The following FBN1 variants were observed in gnomAD, a reference collection of about 807,000 sequenced individuals.
FBN1 encodes fibrillin-1.
In FBN1, 29 loss-of-function variants were observed where a neutral mutation model predicts 365.1. The ratio of observed to expected loss-of-function variants is 0.08; its 90% CI spans 0.06 to 0.11. The LOEUF (loss-of-function observed/expected upper bound fraction) is 0.11. Ranked by LOEUF, FBN1 falls within the 10% of genes least tolerant of loss-of-function variation. The probability of loss-of-function intolerance (pLI) is 1.00; values close to 1 mark genes in which losing one functional copy is unlikely to be tolerated. For missense variants in FBN1, 2,476 were observed against 3,703.2 expected, an observed-to-expected ratio of 0.67 and a Z score of 8.60; for synonymous variants, 1,210 against 1,270.5, an observed-to-expected ratio of 0.95 and a Z score of 1.01.
rs772617187 is a variant in FBN1 at position 48,446,797 on chromosome 15, G to A, written c.5697C>T (p.Ala1899=). 6.2e-7 allele frequency: 1 copy of A among 1,611,424 alleles called. No individual in the cohort carries two copies. Among genetic ancestry groups the A allele is most frequent in the Admixed American group, 1.7e-5 (1 of 59,952 alleles). Reference sequence around the variant, plus strand: ...TGTTCCGGCAAGTTCCATTCCCACAGGCATCTCTTTCACATTCATTTATGT... The same window carrying A: ...TGTTCCGGCAAGTTCCATTCCCACAAGCATCTCTTTCACATTCATTTATGT... The part of the protein sequence containing the change: ...CLDINECERD[A]CGNGTCRNTI... Residue 1899 remains alanine, a synonymous_variant, in exon 47 of 66, where the codon GCC becomes GCT. Coordinates refer to ENST00000316623, the MANE Select transcript of FBN1 (RefSeq NM_000138.5).
intron 6 of FBN1, among the ~76,000 whole-genome samples, chr15:48,593,460 G>C (rs1382105309): frequency 6.6e-6 from 1 of 152,142 alleles, no homozygotes; most frequent in East Asian, 1.9e-4. Flanking sequence ...AAAAATGACA[G>C]TCTTGTGGAC....
intron 60 of FBN1, among the ~76,000 whole-genome samples, chr15:48,423,633 C>G (rs914805645): frequency 2.6e-5 from 4 of 152,316 alleles, no homozygotes; most frequent in African/African-American, 9.6e-5. Context: ...GCACTTGCTG[C>G]TCTTGCCTCC....
In FBN1 at chr15:48,488,135, G is replaced by C. The variant is rs770232184; in HGVS notation, c.3315C>G (p.Phe1105Leu). 1.9e-6 allele frequency: 3 copies of C among 1,614,146 alleles called. No individual in the cohort carries two copies. ...TACCCATGCAGTTCTTCATCATCAT[G>C]AATCCACTTTCATAGCCTTCGTCAC... ...CKCDEGYESG[F>L]MMMKNCMDID... The change falls in exon 27 of 66, where the codon TTC becomes TTG. Residue 1105 changes from phenylalanine to leucine, a missense_variant. Around this residue, in one of 5 missense-constraint regions of FBN1, gnomAD observed 1,780 missense variants for 2,840.8 expected, o/e 0.63. Coordinates refer to ENST00000316623, the MANE Select transcript of FBN1 (RefSeq NM_000138.5).
chr15:48,594,994 G>A (rs1443258097), intron 6 of FBN1, among the ~76,000 whole-genome samples: 1 of 152,202 alleles, frequency 6.6e-6, no homozygotes, highest in Non-Finnish European at 1.5e-5. Flanking sequence ...TGTGCAAGTT[G>A]TAAAGAGAAG....
intron 2 of FBN1, among the ~76,000 whole-genome samples, chr15:48,638,954 C>T (rs934217481): frequency 2.0e-5 from 3 of 152,188 alleles, no homozygotes; most frequent in African/African-American, 4.8e-5. Flanking sequence ...AAATATAATA[C>T]GCTGTCCAAA....
intron 20 of FBN1, among the ~76,000 whole-genome samples, 169 bp downstream of exon 20, chr15:48,495,931 C>A (rs1392718610): frequency 6.6e-6 from 1 of 152,150 alleles, no homozygotes; most frequent in Admixed American, 6.5e-5. Flanking sequence ...CAAGTAAATA[C>A]CATAAGTGGC....
In FBN1 at chr15:48,434,717, C is replaced by T. The variant is rs763670537; in HGVS notation, c.6497-4G>A. On this transcript the variant is annotated splice_polypyrimidine_tract_variant and splice_region_variant and intron_variant, in intron 53 of 65. Transcript: ENST00000316623. ...CCAACAGAACATTCATCAGTATCTG[C>T]AAGAAACCAGGAATGTGTCCAAAAC... 6.2e-7 allele frequency: 1 copy of T among 1,613,474 alleles called. No homozygotes were observed. Among genetic ancestry groups the T allele is most frequent in the Non-Finnish European group, 8.5e-7 (1 of 1,179,614 alleles).
At chr15:48,452,224 T>C (rs1217411785) in intron 45 of FBN1, among the ~76,000 whole-genome samples, 1 of 152,128 alleles carries the variant, frequency 6.6e-6, no homozygotes, top group Non-Finnish European at 1.5e-5. Context: ...AAATGTTGCT[T>C]AGGGGAATGT....
intron 8 of FBN1, among the ~76,000 whole-genome samples, chr15:48,528,299 C>T (rs933266944): frequency 6.6e-6 from 1 of 152,176 alleles, no homozygotes; most frequent in African/African-American, 2.4e-5. Flanking sequence ...GGGGAAACAT[C>T]TTTTCCATGC....
At chr15:48,510,256 A>G in intron 13 of FBN1, 87 bp from the exon 14 acceptor site, 1 of 1,367,858 alleles carries the variant, frequency 7.3e-7, no homozygotes, top group Non-Finnish European at 1.0e-6. Context: ...TTGCAAACTC[A>G]TGATCTTGGC....
chr15:48,453,311 CAAAAAAAAAGG>C (rs1157156781), intron 44 of FBN1, among the ~76,000 whole-genome samples: 58 of 101,442 alleles, frequency 5.7e-4, no homozygotes, highest in African/African-American at 1.8e-3. Context: ...AAAACACACA[CAAAAAAAAAGG>C]AAAAAAAAAG....
chr15:48,558,709 T>C (rs2044200953), intron 6 of FBN1, among the ~76,000 whole-genome samples: 1 of 152,190 alleles, frequency 6.6e-6, no homozygotes, highest in African/African-American at 2.4e-5. Context: ...GGAATGGATA[T>C]CAAATGTGTT....
intron 2 of FBN1, among the ~76,000 whole-genome samples, chr15:48,632,798 T>A (rs1251824543): frequency 1.3e-5 from 2 of 152,212 alleles, no homozygotes; most frequent in Non-Finnish European, 2.9e-5. Flanking sequence ...CAAACATTCC[T>A]AGCCAACTCT....
chr15:48,492,402 T>C (rs1351003603), intron 24 of FBN1, 59 bp downstream of exon 24: 19 of 1,559,198 alleles, frequency 1.2e-5, no homozygotes, highest in Non-Finnish European at 1.7e-5. Flanking sequence ...TCTTGTTAAC[T>C]TCATTTTTAA....
intron 55 of FBN1, among the ~76,000 whole-genome samples, 153 bp downstream of exon 55, chr15:48,432,713 T>C (rs932314384): frequency 2.0e-5 from 3 of 152,148 alleles, no homozygotes; most frequent in Admixed American, 6.5e-5. Context: ...AGCTACAATT[T>C]AGGGGGAAAC....
chr15:48,586,962 G>T (rs1321330598), intron 6 of FBN1, among the ~76,000 whole-genome samples: 2 of 152,186 alleles, frequency 1.3e-5, no homozygotes, highest in Non-Finnish European at 2.9e-5. Context: ...GGAGATGTGA[G>T]TTAAACTAAG....
rs10519177 is a variant in FBN1, at chr15:48,464,998, A to G, written c.4942+570T>C. ...CACAAGGAGGTCTCTTTCCTAAACAATTGTGTGATTCCTCCATGTAGATGA... is the reference window on the plus strand; with the variant it reads ...CACAAGGAGGTCTCTTTCCTAAACAGTTGTGTGATTCCTCCATGTAGATGA... On this transcript the variant is annotated intron_variant, in intron 40 of 65. Coordinates refer to ENST00000316623, the MANE Select transcript of FBN1 (RefSeq NM_000138.5). 0.34 allele frequency among the ~76,000 whole-genome samples: 52,265 copies of G among 152,070 alleles called. 10,318 individuals are homozygous for G. The highest frequency in any genetic ancestry group is 0.55 in the African/African-American group (22,894 of 41,472).
rs1336517253 is a variant in FBN1, at chr15:48,644,893, G to A, written c.-124C>T. The A allele has an allele frequency of 1.0e-6, 1 of 1,001,070 alleles. No individual in the cohort carries two copies. Among genetic ancestry groups the A allele is most frequent in the Admixed American group, 4.5e-5 (1 of 22,218 alleles). 62.0% of individuals were successfully genotyped at this position (1,001,070 alleles called of 1,614,324 possible). On this transcript the variant is annotated 5_prime_UTR_variant, in exon 2 of 66. Transcript: ENST00000316623. ...CCGCTATCCCGCCGCCCGTCCCCCG[G>A]GCCGGGCTCCTCCCGCCTTCTCCAG... is the stretch of plus-strand genomic sequence containing the variant.
In FBN1 at chr15:48,644,955, AAC is replaced by A. The variant is rs1339542871; in HGVS notation, c.-181-7_-181-6del. On this transcript the variant is annotated splice_polypyrimidine_tract_variant and splice_region_variant and intron_variant, in intron 1 of 65. Transcript: ENST00000316623. ...ACTTCAGGCGGCCCCTGCCAGCTGC[AAC>A]ACAGAGACAAATCCCCGAGGCGGGG... 1.4e-5 allele frequency: 6 copies of A among 438,010 alleles called. No individual in the cohort carries two copies. The highest frequency in any genetic ancestry group is 2.2e-5 in the Non-Finnish European group (6 of 270,944). 27.1% of individuals were successfully genotyped at this position (438,010 alleles called of 1,614,324 possible).
Sources: allele counts gnomAD v4.1 joint callset (sites outside exome capture counted in the v4.1 genomes callset), GRCh38; gene constraint gnomAD v4.1.1; regional missense constraint gnomAD v4.1.1; transcripts MANE v1.5; gene names NCBI Gene and HGNC (gene_info 2026-07-23, HGNC 2026-07-21).